ADD2: variants seen among roughly 807,000 people sequenced by gnomAD.
ADD2 encodes adducin 2.
A neutral mutation model predicts 83.0 loss-of-function variants in ADD2; 23 were observed. The observed-to-expected ratio is 0.28, with a 90% CI of 0.20 to 0.39. ADD2 has a LOEUF of 0.39. Among genes scored for constraint, ADD2 ranks in the 10% least tolerant of loss-of-function variants. The probability of loss-of-function intolerance (pLI) is 1.00; values close to 1 mark genes in which losing one functional copy is unlikely to be tolerated. For missense variants in ADD2, 758 were observed against 944.9 expected (o/e 0.80, Z 2.59); for synonymous variants, 375 against 375.4 (o/e 1.00, Z 0.01).
intron 2 of ADD2, among the ~76,000 whole-genome samples, chr2:70,712,407 G>A (rs1215788338): frequency 1.4e-5 from 2 of 147,676 alleles, no homozygotes; most frequent in East Asian, 2.0e-4. Flanking sequence ...TCACACCACT[G>A]CACTCCAGCC....
At position 70,731,822 on chromosome 2, in the gene ADD2, T is replaced by C. The variant is rs115039649; in HGVS notation, c.-153-18638A>G. Among the ~76,000 whole-genome samples, 579 of 152,302 alleles carry C rather than the reference T, an allele frequency of 3.8e-3. 6 individuals are homozygous for C. Among genetic ancestry groups the C allele is most frequent in the African/African-American group, 0.013 (537 of 41,554 alleles). On this transcript the variant is annotated intron_variant, in intron 1 of 15. Transcript: ENST00000264436. ...TGCCTTCATTAGGCAGCACCTGCTA[T>C]ATGGCCAGCCCATATGTGTCATGTC...
chr2:70,713,093 G>A lies in ADD2; in HGVS notation c.-62C>T. 1 of 985,508 alleles carries A rather than the reference G, an allele frequency of 1.0e-6. No homozygotes were observed. The highest frequency in any genetic ancestry group is 4.7e-5 in the South Asian group (1 of 21,282). 61.0% of individuals were successfully genotyped at this position (985,508 alleles called of 1,614,324 possible). ...GGAGGCTGGCCCAGCCCTGTCCAAG[G>A]CTCCTTCTGTTCACTGCTCAGTCTG... On this transcript the variant is annotated 5_prime_UTR_variant, in exon 2 of 16. Transcript: ENST00000264436.
Position 70,660,023 on chromosome 2 carries a change from C to T in ADD2, c.*3402G>A, listed in dbSNP as rs1215114425. The T allele has an allele frequency of 2.0e-5, 3 of 152,230 alleles. No homozygotes were observed. Among genetic ancestry groups the T allele is most frequent in the South Asian group, 2.1e-4 (1 of 4,828 alleles). The allele number at this position is 152,230 out of a possible 1,614,324, so 9.4% of individuals were successfully genotyped here. ...CTGAGCTCTTGAATACACATTTTCTCCAGTCAGATATTGGTCAAAGTTTTC... is the reference window on the plus strand; with the variant it reads ...CTGAGCTCTTGAATACACATTTTCTTCAGTCAGATATTGGTCAAAGTTTTC... On this transcript the variant is annotated 3_prime_UTR_variant, in exon 16 of 16. Coordinates refer to ENST00000264436, the MANE Select transcript of ADD2 (RefSeq NM_001617.4).
intron 1 of ADD2, among the ~76,000 whole-genome samples, chr2:70,726,666 T>A (rs1553378345): frequency 6.6e-6 from 1 of 152,200 alleles, no homozygotes; most frequent in African/African-American, 2.4e-5. Context: ...TTAATGCTTT[T>A]ATGGGCGAAA....
intron 6 of ADD2, 93 bp from the exon 7 acceptor site, chr2:70,692,645 C>G: frequency 8.2e-6 from 11 of 1,347,778 alleles, no homozygotes; most frequent in Non-Finnish European, 1.1e-5. Flanking sequence ...TGCCGCCCAC[C>G]TGTCTTCACA....
chr2:70,695,627 C>A, intron 6 of ADD2, 94 bp downstream of exon 6: 1 of 1,184,724 alleles, frequency 8.4e-7, no homozygotes, highest in South Asian at 1.3e-5. Context: ...CACAGCGCAA[C>A]AGTGACCAAT....
chr2:70,699,948 C>A (rs1251866635), intron 4 of ADD2, among the ~76,000 whole-genome samples: 1 of 152,098 alleles, frequency 6.6e-6, no homozygotes, highest in Non-Finnish European at 1.5e-5. Flanking sequence ...TACAAAGAAG[C>A]TATTTAATAG....
rs1327023869 is a variant in ADD2, at chr2:70,659,480, G to A, written c.*3945C>T. ...CAAATTCAGTCTACATGGATCAGTGGCAGAGGGCAGTGCTTTACAGTGGGG... is the reference window on the plus strand; with the variant it reads ...CAAATTCAGTCTACATGGATCAGTGACAGAGGGCAGTGCTTTACAGTGGGG... On this transcript the variant is annotated 3_prime_UTR_variant, in exon 16 of 16. Coordinates refer to ENST00000264436, the MANE Select transcript of ADD2 (RefSeq NM_001617.4). 6.6e-6 allele frequency: 1 copy of A among 152,232 alleles called. No individual in the cohort carries two copies. The highest frequency in any genetic ancestry group is 6.5e-5 in the Admixed American group (1 of 15,292). The allele number at this position is 152,232 out of a possible 1,614,324, so 9.4% of individuals were successfully genotyped here. A position where few individuals can be genotyped will look rare whatever the true frequency, so the allele number is the denominator to read the frequency against.
At chr2:70,688,243 C>G (rs1670844292) in intron 8 of ADD2, 121 bp from the exon 9 acceptor site, 1 of 700,788 alleles carries the variant, frequency 1.4e-6, no homozygotes, top group African/African-American at 1.8e-5. Flanking sequence ...CTTCTCCCAA[C>G]TCCTTATGTT....
At chr2:70,735,858 C>CTTTTTT (rs374727628) in intron 1 of ADD2, among the ~76,000 whole-genome samples, 17 of 72,502 alleles carry the variant, frequency 2.3e-4, no homozygotes, top group African/African-American at 3.5e-4. Flanking sequence ...CCATGCCCGG[C>CTTTTTT]TTTTTTTTTT....
At chr2:70,760,858 C>G (rs1675046413) in intron 1 of ADD2, among the ~76,000 whole-genome samples, 1 of 152,146 alleles carries the variant, frequency 6.6e-6, no homozygotes, top group Non-Finnish European at 1.5e-5. Context: ...CTTTTGTGGA[C>G]TTTCATAGTT....
intron 1 of ADD2, among the ~76,000 whole-genome samples, chr2:70,764,420 T>C (rs1553385601): frequency 6.6e-6 from 1 of 151,730 alleles, no homozygotes; most frequent in East Asian, 1.9e-4. Flanking sequence ...TCTTTTGGAG[T>C]TGGCAAGTTG....
intron 1 of ADD2, among the ~76,000 whole-genome samples, chr2:70,714,141 A>G (rs1672342772): frequency 6.6e-6 from 1 of 152,176 alleles, no homozygotes; most frequent in Admixed American, 6.5e-5. Context: ...CAAGGTCTTC[A>G]AAGCATTAAT....
At chr2:70,698,114 T>G (rs1671400572) in intron 4 of ADD2, among the ~76,000 whole-genome samples, 2 of 152,194 alleles carry the variant, frequency 1.3e-5, no homozygotes, top group South Asian at 4.1e-4. Context: ...GGAGGGCATG[T>G]CAAAAGCACA....
At chr2:70,704,951 C>T (rs1307606435) in intron 3 of ADD2, among the ~76,000 whole-genome samples, 1 of 152,184 alleles carries the variant, frequency 6.6e-6, no homozygotes, top group East Asian at 1.9e-4. Context: ...TGATGTCCAA[C>T]TCTAAGCCTG....
At chr2:70,700,621 A>T (rs1671541478) in intron 4 of ADD2, among the ~76,000 whole-genome samples, 1 of 152,124 alleles carries the variant, frequency 6.6e-6, no homozygotes, top group South Asian at 2.1e-4. Context: ...AAGCAGAAAG[A>T]ATAACAGGAC....
At chr2:70,734,397 A>G (rs1673424013) in intron 1 of ADD2, among the ~76,000 whole-genome samples, 1 of 152,026 alleles carries the variant, frequency 6.6e-6, no homozygotes, top group African/African-American at 2.4e-5. Flanking sequence ...CTAGATGACA[A>G]AGGTAGCCCA....
intron 2 of ADD2, among the ~76,000 whole-genome samples, chr2:70,711,991 T>A (rs1244528869): frequency 6.6e-6 from 1 of 152,112 alleles, no homozygotes; most frequent in African/African-American, 2.4e-5. Context: ...CCCTTCAACT[T>A]AGGGTAGTTC....
At position 70,659,312 on chromosome 2, in the gene ADD2, A is replaced by G. The variant is rs1260234760; in HGVS notation, c.*4113T>C. The G allele has an allele frequency of 2.6e-5, 4 of 152,168 alleles. No individual in the cohort carries two copies. Among genetic ancestry groups the G allele is most frequent in the African/African-American group, 9.7e-5 (4 of 41,430 alleles). The allele number at this position is 152,168 out of a possible 1,614,324, so 9.4% of individuals were successfully genotyped here. A position where few individuals can be genotyped will look rare whatever the true frequency, so the allele number is the denominator to read the frequency against. On this transcript the variant is annotated 3_prime_UTR_variant, in exon 16 of 16. Transcript: ENST00000264436. ...GCTGTTGGGCAAATGGTTCTTTCAA[A>G]TCCATGGCAATCAAAGAAGTGGATT...
Sources: allele counts gnomAD v4.1 joint callset (sites outside exome capture counted in the v4.1 genomes callset), GRCh38; gene constraint gnomAD v4.1.1; transcripts MANE v1.5; gene names NCBI Gene and HGNC (gene_info 2026-07-23, HGNC 2026-07-21).